Variants in PHACTR4 observed in about 807,000 individuals in gnomAD.
The protein encoded by PHACTR4 is protein phosphatase 1, regulatory subunit 124.
Under a neutral mutation model 72.7 loss-of-function variants are expected in PHACTR4, and 51 were observed. That is an observed-to-expected ratio of 0.70 (90% confidence interval 0.56 to 0.89). The LOEUF (loss-of-function observed/expected upper bound fraction) is 0.89. Ranked by LOEUF, PHACTR4 falls within the 40% of genes least tolerant of loss-of-function variation. The probability of loss-of-function intolerance (pLI) is 0.00; values close to 1 mark genes in which losing one functional copy is unlikely to be tolerated. For missense variants in PHACTR4, 731 were observed against 861.8 expected (o/e 0.85, Z 1.90); for synonymous variants, 255 against 302.5 (o/e 0.84, Z 1.63).
intron 6 of PHACTR4, among the ~76,000 whole-genome samples, chr1:28,469,332 T>G (rs1659414664): frequency 6.6e-6 from 1 of 152,186 alleles, no homozygotes. Flanking sequence ...TTGGAAATCA[T>G]TGCTTCAGAA....
intron 7 of PHACTR4, among the ~76,000 whole-genome samples, chr1:28,474,745 G>A (rs1426234567): frequency 2.0e-5 from 3 of 151,570 alleles, no homozygotes; most frequent in Non-Finnish European, 4.4e-5. Flanking sequence ...GTTTCAACAT[G>A]TTGGCCAGGC....
chr1:28,440,012 T>TC (rs1383597348), intron 2 of PHACTR4, among the ~76,000 whole-genome samples: 3 of 152,074 alleles, frequency 2.0e-5, no homozygotes, highest in African/African-American at 7.2e-5. Context: ...ATTAAAAACT[T>TC]CATCTGAGGC....
At chr1:28,474,259 C>T (rs1230944785) in intron 7 of PHACTR4, 108 bp downstream of exon 7, 24 of 1,026,002 alleles carry the variant, frequency 2.3e-5, no homozygotes, top group Non-Finnish European at 2.8e-6. Flanking sequence ...GTGGCCCACA[C>T]CTGTAAGCCC....
chr1:28,446,417 C>T (rs1306325077), intron 2 of PHACTR4, among the ~76,000 whole-genome samples: 1 of 152,148 alleles, frequency 6.6e-6, no homozygotes, highest in Non-Finnish European at 1.5e-5. Flanking sequence ...GGATTTCTCA[C>T]GAATGGTTTA....
At chr1:28,482,283 G>C (rs898428116) in intron 9 of PHACTR4, among the ~76,000 whole-genome samples, 3 of 152,122 alleles carry the variant, frequency 2.0e-5, no homozygotes, top group Admixed American at 6.6e-5. Context: ...GAACAGAAAG[G>C]CTCCTCTGTC....
At chr1:28,434,057 C>T (rs1260358543) in intron 2 of PHACTR4, among the ~76,000 whole-genome samples, 3 of 151,244 alleles carry the variant, frequency 2.0e-5, no homozygotes, top group South Asian at 2.1e-4. Flanking sequence ...GGATTACAGG[C>T]GTGAGCCACT....
In PHACTR4 at chr1:28,480,484, C is replaced by T; in HGVS notation, c.1640C>T (p.Thr547Ile). Residue 547 changes from threonine (T) to isoleucine (I), a missense_variant, in exon 9 of 14, where the codon ACA becomes ATA. By Grantham distance (89) the Thr-to-Ile change is moderately conservative. Around this residue, in one of 2 missense-constraint regions of PHACTR4, gnomAD observed 621 missense variants for 676.6 expected, o/e 0.92. Transcript: ENST00000373839. Reference protein sequence around the residue: ...ALANKVKRKDTLAMKLNHRPS... With the variant: ...ALANKVKRKDILAMKLNHRPS... ...GCCAACAAAGTGAAGAGGAAAGACA[C>T]ACTGGCAATGAAGTTGAACCACAGA... The T allele has an allele frequency of 6.2e-7, 1 of 1,614,094 alleles. No individual in the cohort carries two copies. Among genetic ancestry groups the T allele is most frequent in the South Asian group, 1.1e-5 (1 of 91,080 alleles).
intron 2 of PHACTR4, among the ~76,000 whole-genome samples, chr1:28,430,180 A>T (rs1391483697): frequency 6.6e-6 from 1 of 151,812 alleles, no homozygotes; most frequent in Non-Finnish European, 1.5e-5. Flanking sequence ...CCGCCACCAC[A>T]CCAGGCTAAT....
intron 9 of PHACTR4, among the ~76,000 whole-genome samples, chr1:28,487,338 C>T (rs1660718329): frequency 6.6e-6 from 1 of 151,628 alleles, no homozygotes; most frequent in Non-Finnish European, 1.5e-5. Context: ...TGTATTCCAG[C>T]CTGGGCGGCA....
At chr1:28,490,820 GCAA>G in intron 10 of PHACTR4, 128 bp from the exon 11 acceptor site, 1 of 903,684 alleles carries the variant, frequency 1.1e-6, no homozygotes, top group Non-Finnish European at 1.7e-6. Context: ...TCCAGCCTGG[GCAA>G]CAAGAGCAAA....
rs192480895 is a variant in PHACTR4 at position 28,477,041 on chromosome 1, A to G, written c.1606+750A>G. 8.8e-3 allele frequency among the ~76,000 whole-genome samples: 1,325 copies of G among 150,520 alleles called. 18 individuals are homozygous for G. Among genetic ancestry groups the G allele is most frequent in the African/African-American group, 0.031 (1,266 of 41,040 alleles). On this transcript the variant is annotated intron_variant, in intron 8 of 13. Transcript: ENST00000373839. ...TGCCTCGGCCTCCCAAAGTGCTGGG[A>G]TTATAGGTGTCAGCCACCGTGCCTG...
At chr1:28,450,197 C>G (rs1304796733) in intron 2 of PHACTR4, among the ~76,000 whole-genome samples, 1 of 151,844 alleles carries the variant, frequency 6.6e-6, no homozygotes, top group East Asian at 1.9e-4. Flanking sequence ...CTACATGACT[C>G]AAAGAAAAAG....
chr1:28,417,237 T>G (rs779044335), intron 2 of PHACTR4, among the ~76,000 whole-genome samples: 5 of 152,198 alleles, frequency 3.3e-5, no homozygotes, highest in Non-Finnish European at 7.3e-5. Flanking sequence ...CCTCCTTATT[T>G]ATGGGGGATA....
intron 1 of PHACTR4, among the ~76,000 whole-genome samples, chr1:28,384,049 C>T (rs557883968): frequency 6.6e-5 from 10 of 152,166 alleles, no homozygotes; most frequent in East Asian, 3.9e-4. Flanking sequence ...TGATGTGCTG[C>T]GGATTTGATT....
chr1:28,381,897 T>C (rs1433866282), intron 1 of PHACTR4, among the ~76,000 whole-genome samples: 2 of 152,034 alleles, frequency 1.3e-5, no homozygotes, highest in African/African-American at 4.8e-5. Flanking sequence ...TTCAGCCTCC[T>C]GAGTAGCTGG....
At chr1:28,394,876 G>A (rs1653365717) in intron 1 of PHACTR4, among the ~76,000 whole-genome samples, 1 of 149,782 alleles carries the variant, frequency 6.7e-6, no homozygotes, top group African/African-American at 2.5e-5. Context: ...GATTACTGGG[G>A]TGAGCCACCA....
At chr1:28,420,949 G>A (rs1655466707) in intron 2 of PHACTR4, among the ~76,000 whole-genome samples, 1 of 152,104 alleles carries the variant, frequency 6.6e-6, no homozygotes, top group Non-Finnish European at 1.5e-5. Context: ...TTAAAGCTAA[G>A]AAGTTAACAA....
At chr1:28,487,534 AAAAG>A (rs1208664547) in intron 9 of PHACTR4, among the ~76,000 whole-genome samples, 3 of 149,286 alleles carry the variant, frequency 2.0e-5, no homozygotes, top group Non-Finnish European at 4.5e-5. Context: ...AAAAAAAAAA[AAAAG>A]GAAGGTCTTG....
intron 6 of PHACTR4, chr1:28,467,070 A>G: frequency 4.4e-6 from 1 of 229,408 alleles, no homozygotes; most frequent in Non-Finnish European, 8.6e-6. Flanking sequence ...AAAATTAGCC[A>G]GGCGTGGTGG....
Sources: gnomAD v4.1 joint callset for allele counts (sites outside exome capture counted in the v4.1 genomes callset) on GRCh38, gnomAD v4.1.1 for gene constraint, gnomAD v4.1.1 regional missense constraint, MANE v1.5 for transcripts, NCBI Gene and HGNC (gene_info 2026-07-23, HGNC 2026-07-21) for gene names.